Variants in GPI observed in about 807,000 individuals in gnomAD.
GPI encodes the protein glucose-6-phosphate isomerase, also known as D-hexose-6-phosphate anomerase.
A neutral mutation model predicts 75.8 loss-of-function variants in GPI; 56 were observed. The observed-to-expected ratio is 0.74, with a 90% CI of 0.60 to 0.92. GPI has a LOEUF of 0.92. Ranked by LOEUF, GPI falls within the 40% of genes least tolerant of loss-of-function variation. GPI has a pLI of 0.00. For missense variants in GPI, 638 were observed against 741.0 expected (o/e 0.86, Z 1.61); for synonymous variants, 288 against 285.4 (o/e 1.01, Z -0.09).
intron 4 of GPI, among the ~76,000 whole-genome samples, chr19:34,373,937 C>T (rs1184229057): frequency 1.3e-5 from 2 of 152,020 alleles, no homozygotes; most frequent in Non-Finnish European, 1.5e-5. Flanking sequence ...TCTTTTGTGA[C>T]CTAATATCAG....
At chr19:34,391,375 C>T in intron 9 of GPI, among the ~76,000 whole-genome samples, 1 of 19,876 alleles carries the variant, frequency 5.0e-5, no homozygotes, top group Non-Finnish European at 9.7e-5. Flanking sequence ...GGATCTGGGT[C>T]TGTCAATATC....
chr19:34,385,549 G>A (rs1019586215), intron 9 of GPI, among the ~76,000 whole-genome samples: 1 of 152,148 alleles, frequency 6.6e-6, no homozygotes, highest in Non-Finnish European at 1.5e-5. Context: ...ACACAGGTGT[G>A]TAGAACAGGG....
In GPI at chr19:34,384,000, T is replaced by C. The variant is rs2074695011; in HGVS notation, c.804+2481T>C. 2.0e-5 allele frequency among the ~76,000 whole-genome samples: 3 copies of C among 152,120 alleles called. No homozygotes were observed. In the South Asian group the frequency reaches 6.2e-4, roughly 32 times the overall value. ...TAGGAGCTGGAATCAGACAGGTTTG[T>C]ATGGCTGGGTTTCTAGGGGAGGCCT... On this transcript the variant is annotated intron_variant, in intron 9 of 17. Coordinates refer to ENST00000356487, the MANE Select transcript of GPI (RefSeq NM_000175.5).
intron 14 of GPI, chr19:34,398,500 C>T (rs757153689): frequency 6.6e-6 from 1 of 151,642 alleles, no homozygotes; most frequent in African/African-American, 2.4e-5. Flanking sequence ...TTCGAGACAC[C>T]GTTTCACTTT....
chr19:34,365,505 G>T, intron 1 of GPI, 117 bp downstream of exon 1: 1 of 1,451,454 alleles, frequency 6.9e-7, no homozygotes, highest in Non-Finnish European at 9.3e-7. Flanking sequence ...CGACCTCCAG[G>T]CCACGGACTG....
At chr19:34,388,731 T>C (rs1443149419) in intron 9 of GPI, among the ~76,000 whole-genome samples, 1 of 152,158 alleles carries the variant, frequency 6.6e-6, no homozygotes, top group Non-Finnish European at 1.5e-5. Flanking sequence ...TCTGAGGACC[T>C]GTTCTCGGCC....
chr19:34,386,561 C>T (rs917079009), intron 9 of GPI, among the ~76,000 whole-genome samples: 3 of 152,104 alleles, frequency 2.0e-5, no homozygotes, highest in Admixed American at 1.3e-4. Flanking sequence ...GGAATGTGCC[C>T]CTGGGTGTTT....
chr19:34,386,635 C>T (rs1467664287), intron 9 of GPI, among the ~76,000 whole-genome samples: 1 of 152,200 alleles, frequency 6.6e-6, no homozygotes, highest in African/African-American at 2.4e-5. Context: ...AGGTCAACCC[C>T]ATAGCATGGG....
At chr19:34,385,360 C>CAAAAAAAAAAA (rs58133757) in intron 9 of GPI, among the ~76,000 whole-genome samples, 10 of 95,088 alleles carry the variant, frequency 1.1e-4, no homozygotes, top group Non-Finnish European at 1.7e-4. Flanking sequence ...AAACAAAAAA[C>CAAAAAAAAAAA]AAAAAAAAAA....
At chr19:34,379,856 C>T (rs2074615429) in intron 8 of GPI, 2 of 559,904 alleles carry the variant, frequency 3.6e-6, no homozygotes, top group South Asian at 2.0e-5. Flanking sequence ...CCTTCCTAGG[C>T]CTTTGTGCCC....
chr19:34,393,796 C>T lies in GPI; in HGVS notation c.909+25C>T, dbSNP rs751508043. ...GGTGAGTGCTGAGGCTGGTTCTCTG[C>T]CAAGTGCTGGCCAGAGGCGCGTGTG... On this transcript the variant is annotated intron_variant, in intron 11 of 17. Transcript: ENST00000356487. This position sits in a 1 kb window ranked among gnomAD's most constrained non-coding sequence, Gnocchi z 4.4. The T allele has an allele frequency of 2.0e-5, 32 of 1,612,056 alleles. No individual in the cohort carries two copies. Among genetic ancestry groups the T allele is most frequent in the Non-Finnish European group, 2.5e-5 (29 of 1,179,430 alleles).
At chr19:34,379,180 A>G (rs2074601225) in intron 7 of GPI, among the ~76,000 whole-genome samples, 175 bp downstream of exon 7, 1 of 152,220 alleles carries the variant, frequency 6.6e-6, no homozygotes, top group Non-Finnish European at 1.5e-5. Context: ...TGTCAGACCC[A>G]GCCTTGCAGA....
intron 9 of GPI, chr19:34,392,909 G>A (rs888252366): frequency 2.0e-5 from 8 of 390,768 alleles, no homozygotes; most frequent in Middle Eastern, 1.7e-3. Context: ...CCTGGCGCAG[G>A]TATGAGGCCC....
At chr19:34,366,542 T>A in intron 2 of GPI, 107 bp downstream of exon 2, 1 of 831,358 alleles carries the variant, frequency 1.2e-6, no homozygotes, top group Non-Finnish European at 2.1e-6. Flanking sequence ...TTCCTCTCAT[T>A]AGACCTCAGT....
At position 34,396,640 on chromosome 19, in the gene GPI, A is replaced by G; in HGVS notation, c.1252A>G (p.Lys418Glu). ...IPVQTQHPIR[K>E]GLHHKILLAN... is the part of the protein sequence containing the mutation. The stretch of plus-strand genomic sequence containing the variant: ...GGTCCAGACCCAGCACCCCATACGG[A>G]AGGGTCTGCATCACAAGGTAAGAGC... The change falls in exon 14 of 18, where the codon AAG becomes GAG. Residue 418 changes from lysine to glutamate, a missense_variant. Coordinates refer to ENST00000356487, the MANE Select transcript of GPI (RefSeq NM_000175.5). 6.2e-7 allele frequency: 1 copy of G among 1,614,114 alleles called. No individual in the cohort carries two copies. Among genetic ancestry groups the G allele is most frequent in the Non-Finnish European group, 8.5e-7 (1 of 1,179,966 alleles).
chr19:34,380,916 A>C, intron 8 of GPI: 1 of 216,736 alleles, frequency 4.6e-6, no homozygotes, highest in Non-Finnish European at 9.3e-6. Context: ...TTCTCCTCCT[A>C]TGTGGAATAG....
Position 34,367,946 on chromosome 19 carries a change from A to G in GPI, c.283-637A>G, listed in dbSNP as rs374946102. ...TATTTATTTATTTATTTTGAGATGG[A>G]GTCTTGCTCTGTCGCCCAGGCTGGA... On this transcript the variant is annotated intron_variant, in intron 3 of 17. Transcript: ENST00000356487. Among the ~76,000 whole-genome samples, 4 of 152,282 alleles carry G rather than the reference A, an allele frequency of 2.6e-5. No individual in the cohort carries two copies. In the South Asian group the frequency reaches 6.2e-4, roughly 24 times the overall value.
At chr19:34,376,115 G>A (rs1247895770) in intron 4 of GPI, among the ~76,000 whole-genome samples, 1 of 152,282 alleles carries the variant, frequency 6.6e-6, no homozygotes, top group Non-Finnish European at 1.5e-5. Flanking sequence ...GTGTGGCAGG[G>A]ACCAGTGTGG....
At chr19:34,360,852 G>C (rs1037598292), upstream of GPI, among the ~76,000 whole-genome samples, 18 of 150,978 alleles carry the variant, frequency 1.2e-4, no homozygotes, top group Non-Finnish European at 1.9e-4. Flanking sequence ...ATCTTGGCTC[G>C]CTGCAACCTC....
Sources: allele counts gnomAD v4.1 joint callset (sites outside exome capture counted in the v4.1 genomes callset), GRCh38; gene constraint gnomAD v4.1.1; non-coding constraint Gnocchi (gnomAD v3.1); transcripts MANE v1.5; gene names NCBI Gene and HGNC (gene_info 2026-07-23, HGNC 2026-07-21).